RFX7: variants seen among roughly 807,000 people sequenced by gnomAD.
RFX7 encodes the protein regulatory factor X7.
In RFX7, 26 loss-of-function variants were observed where a neutral mutation model predicts 111.8. The ratio of observed to expected loss-of-function variants is 0.23; its 90% CI spans 0.17 to 0.32. The LOEUF (loss-of-function observed/expected upper bound fraction) is 0.32, where lower values mean the gene tolerates loss of function less well. Ranked by LOEUF, RFX7 falls within the 10% of genes least tolerant of loss-of-function variation. The pLI is 1.00. For synonymous variants in RFX7, 624 were observed against 624.4 expected (o/e 1.00, Z 0.01); for missense variants, 1,573 against 1,772.9 (o/e 0.89, Z 2.02).
intron 5 of RFX7, among the ~76,000 whole-genome samples, chr15:56,104,077 T>C (rs550303758): frequency 6.6e-6 from 1 of 152,192 alleles, no homozygotes; most frequent in East Asian, 1.9e-4. Context: ...ATAATACTAC[T>C]AGGTGGTTTA....
At chr15:56,230,957 G>C (rs537747846) in intron 2 of RFX7, among the ~76,000 whole-genome samples, 2 of 152,188 alleles carry the variant, frequency 1.3e-5, no homozygotes, top group African/African-American at 4.8e-5. Flanking sequence ...AATTAGCTGG[G>C]TGTGGTGGTG....
At chr15:56,116,487 A>G (rs2042010209) in intron 5 of RFX7, among the ~76,000 whole-genome samples, 1 of 152,232 alleles carries the variant, frequency 6.6e-6, no homozygotes, top group Admixed American at 6.5e-5. Context: ...TAATAAATAC[A>G]TACAGCTGTA....
chr15:56,227,540 G>C (rs1257894150), intron 2 of RFX7, among the ~76,000 whole-genome samples: 2 of 151,840 alleles, frequency 1.3e-5, no homozygotes, highest in Non-Finnish European at 2.9e-5. Context: ...TTTTTTTATT[G>C]GTTGCTCTAG....
chr15:56,221,025 T>C (rs950252011), intron 2 of RFX7, among the ~76,000 whole-genome samples: 1 of 152,190 alleles, frequency 6.6e-6, no homozygotes, highest in East Asian at 1.9e-4. Context: ...TCTATTCTGG[T>C]TCCATTGGTC....
At chr15:56,128,211 T>C (rs2042169862) in intron 5 of RFX7, among the ~76,000 whole-genome samples, 1 of 152,178 alleles carries the variant, frequency 6.6e-6, no homozygotes, top group Admixed American at 6.5e-5. Flanking sequence ...TTTGATAGTT[T>C]AGAAGGGAAT....
chr15:56,222,194 T>C (rs1355689946), intron 2 of RFX7, among the ~76,000 whole-genome samples: 1 of 152,220 alleles, frequency 6.6e-6, no homozygotes. Context: ...CATTGTCTTC[T>C]AGCCTCCATT....
In RFX7 at chr15:56,098,308, C is replaced by T. The variant is rs1160774538; in HGVS notation, c.880G>A (p.Val294Met). 2 of 1,613,542 alleles carry T rather than the reference C, an allele frequency of 1.2e-6. No individual in the cohort carries two copies. The highest frequency in any genetic ancestry group is 1.7e-6 in the Non-Finnish European group (2 of 1,179,602). Reference protein sequence around the residue: ...TAESNSFQPQVKTLPSPIDAK... With the variant: ...TAESNSFQPQMKTLPSPIDAK... Reference sequence around the variant, plus strand: ...TCAATTGGAGATGGCAAAGTCTTCACCTGAGGCTGAAAGGAATTACTTTCA... The same window carrying T: ...TCAATTGGAGATGGCAAAGTCTTCATCTGAGGCTGAAAGGAATTACTTTCA... Residue 294 changes from valine (V) to methionine (M), a missense_variant, in exon 9 of 10, where the codon GTG becomes ATG. By Grantham distance (21) the Val-to-Met change is conservative. Coordinates refer to ENST00000559447, the MANE Select transcript of RFX7 (RefSeq NM_022841.7).
At chr15:56,136,826 AG>A (rs1467738722) in intron 5 of RFX7, among the ~76,000 whole-genome samples, 1 of 145,160 alleles carries the variant, frequency 6.9e-6, no homozygotes, top group South Asian at 2.3e-4. Context: ...TTTAGCATGA[AG>A]GGTTGTTGAA....
chr15:56,165,941 AC>A (rs1486899264), intron 3 of RFX7, among the ~76,000 whole-genome samples: 1 of 152,088 alleles, frequency 6.6e-6, no homozygotes, highest in Non-Finnish European at 1.5e-5. Context: ...TCATTCTGTC[AC>A]CCAGGCTGGA....
At position 56,243,534 on chromosome 15, in the gene RFX7, C is replaced by T. The variant is rs1434998121; in HGVS notation, c.-92G>A. The T allele has an allele frequency of 2.0e-6, 2 of 983,080 alleles. No homozygotes were observed. The highest frequency in any genetic ancestry group is 1.8e-5 in the African/African-American group (1 of 56,524). 60.9% of individuals were successfully genotyped at this position (983,080 alleles called of 1,614,324 possible). A position where few individuals can be genotyped will look rare whatever the true frequency, so the allele number is the denominator to read the frequency against. Reference sequence around the variant, plus strand: ...TCCTCACGGCCGGGGCGCTTCACCGCGGGAGAGGCATGGCGGCGCCCCTCA... The same window carrying T: ...TCCTCACGGCCGGGGCGCTTCACCGTGGGAGAGGCATGGCGGCGCCCCTCA... On this transcript the variant is annotated 5_prime_UTR_variant, in exon 1 of 10. Transcript: ENST00000559447.
chr15:56,132,250 T>C (rs2042227775), intron 5 of RFX7, among the ~76,000 whole-genome samples: 1 of 152,108 alleles, frequency 6.6e-6, no homozygotes, highest in East Asian at 1.9e-4. Flanking sequence ...AAAAATTAAC[T>C]GGTCAGAAAA....
chr15:56,160,815 G>A lies in RFX7; in HGVS notation c.196-16332C>T, dbSNP rs144181550. On this transcript the variant is annotated intron_variant, in intron 3 of 9. Transcript: ENST00000559447. Reference sequence around the variant, plus strand: ...TATGAGGACTCTATTTTCCATGCTTGTTGCTTAGAATTCTTAATTTTCAGC... The same window carrying A: ...TATGAGGACTCTATTTTCCATGCTTATTGCTTAGAATTCTTAATTTTCAGC... 2.7e-3 allele frequency: 412 copies of A among 152,134 alleles called. 2 individuals carry two copies. The highest frequency in any genetic ancestry group is 9.5e-3 in the African/African-American group (395 of 41,540). 9.4% of individuals were successfully genotyped at this position (152,134 alleles called of 1,614,324 possible).
At position 56,190,334 on chromosome 15, in the gene RFX7, T is replaced by A. The variant is rs1470009805; in HGVS notation, c.162-11031A>T. ...GGTGTCTGTCAGCATTCAGTGTCTG[T>A]ACCCTTGGGTATGATTGCTTAGGCT... On this transcript the variant is annotated intron_variant, in intron 2 of 9. Transcript: ENST00000559447. Among the ~76,000 whole-genome samples the A allele has an allele frequency of 2.0e-5, 3 of 152,190 alleles. No individual in the cohort carries two copies. In the East Asian group the frequency reaches 5.8e-4, roughly 29 times the overall value.
intron 2 of RFX7, among the ~76,000 whole-genome samples, chr15:56,203,681 G>A (rs2713938): frequency 0.33 from 49,882 of 152,028 alleles, 9,339 homozygotes; most frequent in East Asian, 0.41. Flanking sequence ...ATGGCCACGA[G>A]AGTGACCTCT....
Position 56,199,347 on chromosome 15 carries a change from T to A in RFX7, c.162-20044A>T, listed in dbSNP as rs147438497. Among the ~76,000 whole-genome samples the A allele has an allele frequency of 1.6e-4, 25 of 152,294 alleles. No homozygotes were observed. The East Asian group carries it at 4.8e-3, about 29-fold the overall frequency. ...GCTGTCCTTCCACGTATAGGTATCT[T>A]TCCTTACGTGATTGCTGGTTGCTCC... is the stretch of plus-strand genomic sequence containing the variant. On this transcript the variant is annotated intron_variant, in intron 2 of 9. Transcript: ENST00000559447.
At chr15:56,219,934 A>T (rs1320017248) in intron 2 of RFX7, among the ~76,000 whole-genome samples, 2 of 152,200 alleles carry the variant, frequency 1.3e-5, no homozygotes, top group Non-Finnish European at 2.9e-5. Flanking sequence ...TTCTTTGAGA[A>T]ATCTCCAAAA....
intron 2 of RFX7, among the ~76,000 whole-genome samples, chr15:56,214,645 G>A (rs1384908548): frequency 2.0e-5 from 3 of 150,864 alleles, no homozygotes; most frequent in Non-Finnish European, 2.9e-5. Context: ...AACCCGGGAG[G>A]AGGAGCTTGC....
At chr15:56,096,948 A>C (rs551325076) in intron 9 of RFX7, among the ~76,000 whole-genome samples, 9 of 152,318 alleles carry the variant, frequency 5.9e-5, no homozygotes, top group Admixed American at 2.0e-4. Context: ...ATCTTGAAGA[A>C]ACATACAACT....
chr15:56,093,223 T>G lies in RFX7; in HGVS notation c.*122A>C. The G allele has an allele frequency of 1.1e-6, 1 of 903,280 alleles. No individual in the cohort carries two copies. Among genetic ancestry groups the G allele is most frequent in the Non-Finnish European group, 1.6e-6 (1 of 617,362 alleles). 56.0% of individuals were successfully genotyped at this position (903,280 alleles called of 1,614,324 possible). On this transcript the variant is annotated 3_prime_UTR_variant, in exon 10 of 10. Transcript: ENST00000559447. ...CATTTCCTACTGAAGAAACCACTTC[T>G]GCAGCAAACGCTTTTAAAATGTCAC...
Sources: allele counts gnomAD v4.1 joint callset (sites outside exome capture counted in the v4.1 genomes callset), GRCh38; gene constraint gnomAD v4.1.1; transcripts MANE v1.5; gene names NCBI Gene and HGNC (gene_info 2026-07-23, HGNC 2026-07-21).